Variants in NCKAP5 observed in about 807,000 individuals in gnomAD.
The protein encoded by NCKAP5 is nck-associated protein 5.
NCKAP5 carries 92 observed loss-of-function variants against 167.0 expected under a neutral mutation model. That is an observed-to-expected ratio of 0.55 (90% CI 0.47 to 0.66). The LOEUF (loss-of-function observed/expected upper bound fraction) is 0.66. Ranked by LOEUF, NCKAP5 falls within the 30% of genes least tolerant of loss-of-function variation. The pLI is 0.00. For synonymous variants in NCKAP5, 891 were observed against 877.4 expected, an observed-to-expected ratio of 1.02 and a Z score of -0.27; for missense variants, 2,378 against 2,315.0, an observed-to-expected ratio of 1.03 and a Z score of -0.56.
chr2:132,973,347 C>T (rs1559007080), intron 7 of NCKAP5, among the ~76,000 whole-genome samples: 1 of 152,218 alleles, frequency 6.6e-6, no homozygotes, highest in Admixed American at 6.5e-5. Flanking sequence ...AGGGTAGAGA[C>T]ATCTAGCCCC....
chr2:132,880,230 G>C (rs1691640578), intron 8 of NCKAP5, among the ~76,000 whole-genome samples: 1 of 152,192 alleles, frequency 6.6e-6, no homozygotes, highest in Non-Finnish European at 1.5e-5. Context: ...TAAATAAAAG[G>C]TGTAAGTTCT....
intron 5 of NCKAP5, among the ~76,000 whole-genome samples, chr2:133,194,934 A>G (rs2085375147): frequency 6.6e-6 from 1 of 151,874 alleles, no homozygotes; most frequent in South Asian, 2.1e-4. Flanking sequence ...GTAGTTGAGC[A>G]AAGTTAGCTG....
intron 8 of NCKAP5, among the ~76,000 whole-genome samples, chr2:132,955,166 G>A (rs1027008130): frequency 1.3e-5 from 2 of 152,184 alleles, no homozygotes; most frequent in African/African-American, 2.4e-5. Context: ...AGAAGAACAA[G>A]GTAAGAACTT....
At chr2:132,745,946 G>T (rs773709505) in intron 16 of NCKAP5, among the ~76,000 whole-genome samples, 18 of 151,972 alleles carry the variant, frequency 1.2e-4, no homozygotes, top group Non-Finnish European at 2.2e-4. Context: ...TAAATGGAGA[G>T]ATCTGCCATA....
chr2:133,338,377 T>C (rs1039069058), intron 3 of NCKAP5, among the ~76,000 whole-genome samples: 1 of 152,230 alleles, frequency 6.6e-6, no homozygotes, highest in African/African-American at 2.4e-5. Context: ...TAACAGAATG[T>C]AGTAAGTAAG....
At chr2:132,680,625 A>T (rs1685096506) in intron 19 of NCKAP5, among the ~76,000 whole-genome samples, 2 of 152,182 alleles carry the variant, frequency 1.3e-5, no homozygotes, top group African/African-American at 4.8e-5. Context: ...GGACATTTAA[A>T]CACCAGATCA....
At chr2:133,605,036 A>G in the NCKAP5 span, among the ~76,000 whole-genome samples, 1 of 152,324 alleles carries the variant, frequency 6.6e-6, no homozygotes, top group Admixed American at 6.5e-5. Context: ...GATTGAAACT[A>G]GGTAGGTAGA....
chr2:133,074,127 T>C (rs149711139), intron 6 of NCKAP5, among the ~76,000 whole-genome samples: 47 of 152,354 alleles, frequency 3.1e-4, no homozygotes, highest in African/African-American at 1.1e-3. Flanking sequence ...TTGTGTGTAT[T>C]CCTTGAATTG....
chr2:133,664,215 C>A, the NCKAP5 span, among the ~76,000 whole-genome samples: 1 of 151,828 alleles, frequency 6.6e-6, no homozygotes, highest in African/African-American at 2.4e-5. Flanking sequence ...TTTAGTAAGT[C>A]ATGCTATAAA....
At chr2:132,765,473 C>T (rs1018897380) in intron 16 of NCKAP5, among the ~76,000 whole-genome samples, 17 of 152,054 alleles carry the variant, frequency 1.1e-4, no homozygotes, top group Non-Finnish European at 1.8e-4. Context: ...TGGCACCACG[C>T]GCAGCTAATT....
intron 9 of NCKAP5, among the ~76,000 whole-genome samples, chr2:132,873,359 C>T (rs911199260): frequency 6.6e-6 from 1 of 152,094 alleles, no homozygotes; most frequent in Non-Finnish European, 1.5e-5. Context: ...ATGATCCGCC[C>T]GCCTCGGCCT....
At chr2:132,968,571 A>T (rs1215454546) in intron 7 of NCKAP5, among the ~76,000 whole-genome samples, 1 of 152,186 alleles carries the variant, frequency 6.6e-6, no homozygotes, top group African/African-American at 2.4e-5. Context: ...TTCAATTAAG[A>T]TACAGTTTTC....
chr2:133,133,206 G>T (rs2082673960), intron 5 of NCKAP5, among the ~76,000 whole-genome samples: 2 of 152,166 alleles, frequency 1.3e-5, no homozygotes, highest in African/African-American at 4.8e-5. Flanking sequence ...GTACTGAAGA[G>T]CAATAAGTAG....
intron 12 of NCKAP5, among the ~76,000 whole-genome samples, chr2:132,792,255 A>AATTTG (rs1384245801): frequency 1.3e-5 from 2 of 152,184 alleles, no homozygotes; most frequent in Admixed American, 1.3e-4. Context: ...TTCCCCCTGA[A>AATTTG]ATTTGGCTCT....
intron 5 of NCKAP5, among the ~76,000 whole-genome samples, chr2:133,198,095 T>TGATC (rs1335107790): frequency 1.3e-5 from 2 of 152,164 alleles, no homozygotes; most frequent in Admixed American, 1.3e-4. Flanking sequence ...AGAATGGAGA[T>TGATC]GATCAAGAAT....
At chr2:133,565,509 G>A (rs780135689) in intron 1 of NCKAP5, among the ~76,000 whole-genome samples, 3 of 152,198 alleles carry the variant, frequency 2.0e-5, no homozygotes, top group Non-Finnish European at 2.9e-5. Context: ...TCATAAAGCC[G>A]GCAAGTGGCA....
At chr2:133,412,568 A>C (rs1253049662) in intron 3 of NCKAP5, among the ~76,000 whole-genome samples, 2 of 152,142 alleles carry the variant, frequency 1.3e-5, no homozygotes, top group African/African-American at 4.8e-5. Flanking sequence ...GCCATTCACT[A>C]TTGACCAGGA....
intron 16 of NCKAP5, among the ~76,000 whole-genome samples, chr2:132,751,069 C>G (rs541052361): frequency 1.3e-5 from 2 of 151,938 alleles, no homozygotes; most frequent in Non-Finnish European, 2.9e-5. Context: ...GTCCTCTTAG[C>G]TTCTTGTTAT....
intron 6 of NCKAP5, among the ~76,000 whole-genome samples, chr2:133,007,154 C>T (rs2077997695): frequency 6.6e-6 from 1 of 152,174 alleles, no homozygotes; most frequent in South Asian, 2.1e-4. Flanking sequence ...CACTATGCAA[C>T]TTAGGACAGA....
Sources: gnomAD v4.1 joint callset for allele counts (sites outside exome capture counted in the v4.1 genomes callset) on GRCh38, gnomAD v4.1.1 for gene constraint, MANE v1.5 for transcripts, NCBI Gene and HGNC (gene_info 2026-07-23, HGNC 2026-07-21) for gene names.